GRID2: variants seen among roughly 807,000 people sequenced by gnomAD.
The protein encoded by GRID2 is glutamate ionotropic receptor delta type subunit 2, also known as glutamate receptor ionotropic, delta-2.
A neutral mutation model predicts 114.8 loss-of-function variants in GRID2; 33 were observed. The ratio of observed to expected loss-of-function variants is 0.29; its 90% confidence interval spans 0.22 to 0.38. GRID2 has a LOEUF of 0.38. Among genes scored for constraint, GRID2 ranks in the 10% least tolerant of loss-of-function variants. GRID2 has a pLI of 1.00. For missense variants in GRID2, 1,184 were observed against 1,257.7 expected, an observed-to-expected ratio of 0.94 and a Z score of 0.89; for synonymous variants, 505 against 449.9, an observed-to-expected ratio of 1.12 and a Z score of -1.55.
At chr4:92,393,204 G>T (rs1560603906) in intron 1 of GRID2, among the ~76,000 whole-genome samples, 1 of 152,032 alleles carries the variant, frequency 6.6e-6, no homozygotes, top group Non-Finnish European at 1.5e-5. Flanking sequence ...ATCCATGAGG[G>T]ATCCACTCCT....
chr4:93,712,605 A>G (rs970461395), intron 14 of GRID2, among the ~76,000 whole-genome samples: 8 of 152,306 alleles, frequency 5.3e-5, no homozygotes, highest in African/African-American at 1.9e-4. Flanking sequence ...GAGGACATAA[A>G]CCATCTCTCA....
intron 2 of GRID2, among the ~76,000 whole-genome samples, chr4:92,917,666 G>A (rs540702874): frequency 1.3e-5 from 2 of 152,248 alleles, no homozygotes; most frequent in East Asian, 3.9e-4. Flanking sequence ...TTGTAGATAT[G>A]TGGCATTATT....
intron 2 of GRID2, among the ~76,000 whole-genome samples, chr4:92,955,939 T>C (rs1752375514): frequency 6.6e-6 from 1 of 152,168 alleles, no homozygotes; most frequent in Non-Finnish European, 1.5e-5. Context: ...CAGGATGTTC[T>C]CTATCTCCTG....
intron 4 of GRID2, among the ~76,000 whole-genome samples, chr4:93,152,864 G>T (rs754064750): frequency 1.3e-5 from 2 of 152,022 alleles, no homozygotes; most frequent in Non-Finnish European, 2.9e-5. Flanking sequence ...TGGAAGCATA[G>T]TTTAAAAAAA....
intron 1 of GRID2, among the ~76,000 whole-genome samples, chr4:92,526,288 T>G (rs1341389385): frequency 6.6e-6 from 1 of 152,120 alleles, no homozygotes; most frequent in East Asian, 1.9e-4. Flanking sequence ...CCCCTGATAT[T>G]ATCCTTTATT....
At chr4:93,113,562 C>T (rs1732968750) in intron 4 of GRID2, among the ~76,000 whole-genome samples, 1 of 152,196 alleles carries the variant, frequency 6.6e-6, no homozygotes, top group Non-Finnish European at 1.5e-5. Context: ...AGAAACTATG[C>T]TAGGCACTAG....
chr4:93,739,567 T>A (rs1731202780), intron 14 of GRID2, among the ~76,000 whole-genome samples: 1 of 152,112 alleles, frequency 6.6e-6, no homozygotes, highest in African/African-American at 2.4e-5. Context: ...CTTGGTCTAA[T>A]CACTCACCTG....
intron 8 of GRID2, among the ~76,000 whole-genome samples, chr4:93,317,177 A>C (rs1209760888): frequency 6.6e-6 from 1 of 152,080 alleles, no homozygotes; most frequent in African/African-American, 2.4e-5. Flanking sequence ...GTATTATTGC[A>C]CACCAGATGG....
intron 2 of GRID2, among the ~76,000 whole-genome samples, chr4:92,757,701 G>A (rs114227104): frequency 0.012 from 1,758 of 152,140 alleles, 36 homozygotes; most frequent in African/African-American, 0.04. Flanking sequence ...GTTAATTTGA[G>A]GAGGAAGAGT....
intron 11 of GRID2, among the ~76,000 whole-genome samples, chr4:93,487,826 T>C (rs1163202107): frequency 1.3e-5 from 2 of 151,996 alleles, no homozygotes; most frequent in African/African-American, 4.8e-5. Flanking sequence ...ATTTTTCTAG[T>C]TGTTGTCAGT....
intron 11 of GRID2, among the ~76,000 whole-genome samples, chr4:93,463,953 C>CG (rs1168001737): frequency 2.6e-5 from 4 of 151,950 alleles, no homozygotes; most frequent in African/African-American, 9.7e-5. Context: ...TGTGCCACTG[C>CG]ACTCCAGCCT....
intron 2 of GRID2, among the ~76,000 whole-genome samples, chr4:92,696,220 C>A (rs955116324): frequency 1.3e-5 from 2 of 152,078 alleles, no homozygotes; most frequent in Non-Finnish European, 2.9e-5. Flanking sequence ...GCCCTAGTTT[C>A]AACTTATTTC....
At position 93,147,074 on chromosome 4, in the gene GRID2, A is replaced by G. The variant is rs202190341; in HGVS notation, c.735+36121A>G. Among the ~76,000 whole-genome samples the G allele has an allele frequency of 2.1e-4, 32 of 152,296 alleles. No homozygotes were observed. In the East Asian group the frequency reaches 2.5e-3, roughly 12 times the overall value. ...ATTTTTTGGTTTAACATTTTACTGT[A>G]ATGAAATTTGATGAATTTTTTAACG... On this transcript the variant is annotated intron_variant, in intron 4 of 15. Transcript: ENST00000282020.
chr4:93,375,214 C>CTT lies in GRID2; in HGVS notation c.1246-20377_1246-20376dup, dbSNP rs373891256. Among the ~76,000 whole-genome samples, 995 of 135,296 alleles carry CTT rather than the reference C, an allele frequency of 7.4e-3. 20 individuals are homozygous for CTT. Among genetic ancestry groups the CTT allele is most frequent in the African/African-American group, 0.025 (896 of 35,504 alleles). The allele number at this position is 135,296 out of a possible 152,430, so 88.8% of individuals were successfully genotyped here. ...TCCATGGGAGTTTTTCTTTTTTTCC[C>CTT]TTTTTTTTTTTTTTTTTGAGACAGA... On this transcript the variant is annotated intron_variant, in intron 8 of 15. Transcript: ENST00000282020.
chr4:93,280,291 C>T (rs1227045955), intron 8 of GRID2, among the ~76,000 whole-genome samples: 2 of 151,974 alleles, frequency 1.3e-5, no homozygotes, highest in African/African-American at 4.8e-5. Context: ...TTAATAGTTA[C>T]CACTACTTAG....
At chr4:93,061,720 T>C (rs1727825080) in intron 2 of GRID2, among the ~76,000 whole-genome samples, 1 of 152,148 alleles carries the variant, frequency 6.6e-6, no homozygotes, top group South Asian at 2.1e-4. Flanking sequence ...TTCCCCATCC[T>C]GTCTGGTGCA....
intron 2 of GRID2, among the ~76,000 whole-genome samples, chr4:92,610,806 T>A (rs1268777090): frequency 6.6e-6 from 1 of 151,698 alleles, no homozygotes; most frequent in Non-Finnish European, 1.5e-5. Flanking sequence ...TTAAATGGAA[T>A]TAGATAATAC....
At chr4:93,121,776 C>A (rs1733803587) in intron 4 of GRID2, among the ~76,000 whole-genome samples, 1 of 152,152 alleles carries the variant, frequency 6.6e-6, no homozygotes, top group African/African-American at 2.4e-5. Flanking sequence ...TGAAAGCATT[C>A]CAATTTTCCG....
chr4:92,869,909 A>C lies in GRID2; in HGVS notation c.245-215086A>C, dbSNP rs945082217. Among the ~76,000 whole-genome samples the C allele has an allele frequency of 3.3e-5, 5 of 152,134 alleles. No homozygotes were observed. In the South Asian group the frequency reaches 1.0e-3, roughly 31 times the overall value. ...TGCATTATATACTTGAATATTAACT[A>C]TAAGTTGGGTGCAGTGGCCCATGCC... On this transcript the variant is annotated intron_variant, in intron 2 of 15. Coordinates refer to ENST00000282020, the MANE Select transcript of GRID2 (RefSeq NM_001510.4).
Sources: gnomAD v4.1 joint callset for allele counts (sites outside exome capture counted in the v4.1 genomes callset) on GRCh38, gnomAD v4.1.1 for gene constraint, MANE v1.5 for transcripts, NCBI Gene and HGNC (gene_info 2026-07-23, HGNC 2026-07-21) for gene names.